Variants in DACH1 observed in about 807,000 individuals in gnomAD.
The protein encoded by DACH1 is dachshund homolog 1.
DACH1 carries 12 observed loss-of-function variants against 54.2 expected under a neutral mutation model. The ratio of observed to expected loss-of-function variants is 0.22; its 90% CI spans 0.14 to 0.36. The LOEUF (loss-of-function observed/expected upper bound fraction) is 0.36. DACH1 is among the 10% of genes least tolerant of loss of function. The probability of loss-of-function intolerance (pLI) is 1.00; values close to 1 mark genes in which losing one functional copy is unlikely to be tolerated. For missense variants in DACH1, 805 were observed against 929.8 expected, an observed-to-expected ratio of 0.87 and a Z score of 1.75; for synonymous variants, 386 against 366.2, an observed-to-expected ratio of 1.05 and a Z score of -0.62.
chr13:71,672,746 T>C (rs1286402865), intron 2 of DACH1, among the ~76,000 whole-genome samples: 1 of 152,142 alleles, frequency 6.6e-6, no homozygotes, highest in East Asian at 1.9e-4. Flanking sequence ...GTTAAAAAAT[T>C]ATAGCGAGCA....
intron 10 of DACH1, among the ~76,000 whole-genome samples, chr13:71,471,509 C>A: frequency 6.6e-6 from 1 of 151,838 alleles, no homozygotes. Flanking sequence ...GCTTGTAATC[C>A]CAGCACTTTG....
At chr13:71,459,044 T>C (rs1025826688) in intron 10 of DACH1, among the ~76,000 whole-genome samples, 4 of 151,832 alleles carry the variant, frequency 2.6e-5, no homozygotes, top group Non-Finnish European at 4.4e-5. Flanking sequence ...TTACGGACAA[T>C]AGTTTGCCAA....
chr13:71,731,356 A>G (rs1232542879), intron 1 of DACH1, among the ~76,000 whole-genome samples: 4 of 144,144 alleles, frequency 2.8e-5, no homozygotes, highest in Non-Finnish European at 6.0e-5. Flanking sequence ...CAGTGGCACC[A>G]TCTCGGCTCA....
chr13:71,491,380 A>G (rs974527001), intron 6 of DACH1, among the ~76,000 whole-genome samples: 1 of 152,102 alleles, frequency 6.6e-6, no homozygotes, highest in Non-Finnish European at 1.5e-5. Flanking sequence ...GTATATATAT[A>G]TGTACATGTG....
At chr13:71,669,928 A>C (rs947611798) in intron 2 of DACH1, among the ~76,000 whole-genome samples, 4 of 152,076 alleles carry the variant, frequency 2.6e-5, no homozygotes, top group Admixed American at 2.0e-4. Context: ...CTAAGTTAGG[A>C]GCCAACTCAC....
chr13:71,542,869 A>G (rs538875017), intron 6 of DACH1, among the ~76,000 whole-genome samples: 191 of 152,176 alleles, frequency 1.3e-3, no homozygotes, highest in Non-Finnish European at 2.1e-3. Flanking sequence ...GTAATATTCA[A>G]TTTAAACAAT....
Position 71,568,450 on chromosome 13 carries a change from G to A in DACH1, c.1299+4390C>T, listed in dbSNP as rs79438273. On this transcript the variant is annotated intron_variant, in intron 4 of 10. Transcript: ENST00000613252. ...AAAAGAAGGCAACCAAAAAGATGAA[G>A]AATAGTCAGAACAAATTAGAATAAT... Among the ~76,000 whole-genome samples, 581 of 151,998 alleles carry A rather than the reference G, an allele frequency of 3.8e-3. 2 individuals are homozygous for A. The highest frequency in any genetic ancestry group is 0.013 in the African/African-American group (547 of 41,490).
intron 3 of DACH1, among the ~76,000 whole-genome samples, chr13:71,587,021 G>A (rs527606440): frequency 1.3e-5 from 2 of 152,062 alleles, no homozygotes; most frequent in Admixed American, 6.6e-5. Context: ...CAAGCAGGTC[G>A]CTACACATAG....
intron 10 of DACH1, among the ~76,000 whole-genome samples, chr13:71,449,994 C>A (rs1457719509): frequency 6.6e-6 from 1 of 151,724 alleles, no homozygotes; most frequent in East Asian, 1.9e-4. Flanking sequence ...GGGTTCGGCA[C>A]GCCAACATGG....
At chr13:71,782,608 C>G (rs2138070560) in intron 1 of DACH1, among the ~76,000 whole-genome samples, 1 of 152,112 alleles carries the variant, frequency 6.6e-6, no homozygotes, top group East Asian at 1.9e-4. Context: ...AGTTTCTTTA[C>G]AAATCTCCCA....
intron 1 of DACH1, among the ~76,000 whole-genome samples, chr13:71,818,308 T>C (rs1466101065): frequency 6.6e-6 from 1 of 152,050 alleles, no homozygotes; most frequent in Non-Finnish European, 1.5e-5. Flanking sequence ...TTTCACTAGG[T>C]TGTCTGTGAA....
intron 3 of DACH1, among the ~76,000 whole-genome samples, chr13:71,603,073 T>A (rs191187959): frequency 2.6e-5 from 4 of 152,176 alleles, no homozygotes; most frequent in Non-Finnish European, 5.9e-5. Context: ...AAAATTAAGA[T>A]CAGTTTCTCT....
intron 10 of DACH1, among the ~76,000 whole-genome samples, chr13:71,466,806 A>T (rs1876612212): frequency 7.1e-6 from 1 of 141,608 alleles, no homozygotes; most frequent in Non-Finnish European, 1.5e-5. Context: ...TGATTGCACC[A>T]CTGCACTCCA....
chr13:71,502,244 C>T (rs1039452191), intron 6 of DACH1, among the ~76,000 whole-genome samples: 1 of 152,122 alleles, frequency 6.6e-6, no homozygotes, highest in Non-Finnish European at 1.5e-5. Flanking sequence ...ATCAAATTGA[C>T]TACTACTGAT....
intron 1 of DACH1, among the ~76,000 whole-genome samples, chr13:71,762,284 G>A (rs537611545): frequency 6.6e-6 from 1 of 152,174 alleles, no homozygotes; most frequent in East Asian, 1.9e-4. Flanking sequence ...TTTATTGAAG[G>A]CCTACAGTGT....
At chr13:71,468,718 C>T (rs1593741586) in intron 10 of DACH1, among the ~76,000 whole-genome samples, 3 of 152,264 alleles carry the variant, frequency 2.0e-5, no homozygotes, top group African/African-American at 2.4e-5. Context: ...TTGGATCTGT[C>T]GCTGACATTG....
At chr13:71,472,048 T>G (rs1337937232) in intron 10 of DACH1, among the ~76,000 whole-genome samples, 1 of 152,134 alleles carries the variant, frequency 6.6e-6, no homozygotes, top group Non-Finnish European at 1.5e-5. Flanking sequence ...TTTTTCAAAG[T>G]CCAACACAAA....
intron 1 of DACH1, among the ~76,000 whole-genome samples, chr13:71,703,909 C>T (rs1403768579): frequency 9.2e-5 from 14 of 152,050 alleles, no homozygotes; most frequent in Non-Finnish European, 1.8e-4. Context: ...AACAAATAAT[C>T]CAAGACCGTC....
chr13:71,783,510 G>A (rs992803435), intron 1 of DACH1, among the ~76,000 whole-genome samples: 3 of 152,066 alleles, frequency 2.0e-5, no homozygotes, highest in Non-Finnish European at 4.4e-5. Context: ...TAGGATGATT[G>A]AGTTAATTTA....
Sources: gnomAD v4.1 joint callset for allele counts (sites outside exome capture counted in the v4.1 genomes callset) on GRCh38, gnomAD v4.1.1 for gene constraint, MANE v1.5 for transcripts, NCBI Gene and HGNC (gene_info 2026-07-23, HGNC 2026-07-21) for gene names.